LRRTM3: variants seen among roughly 807,000 people sequenced by gnomAD.
LRRTM3 encodes the protein leucine-rich repeat transmembrane neuronal protein 3.
Under a neutral mutation model 44.7 loss-of-function variants are expected in LRRTM3, and 24 were observed. That is an observed-to-expected ratio of 0.54 (90% CI 0.39 to 0.76). The LOEUF is 0.76. Among genes scored for constraint, LRRTM3 ranks in the 30% least tolerant of loss-of-function variants. The probability of loss-of-function intolerance (pLI) is 0.00; values close to 1 mark genes in which losing one functional copy is unlikely to be tolerated. For synonymous variants in LRRTM3, 277 were observed against 278.7 expected (o/e 0.99, Z 0.06); for missense variants, 587 against 702.2 (o/e 0.84, Z 1.85).
In LRRTM3 at chr10:66,927,336, G is replaced by A; in HGVS notation, c.420G>A (p.Leu140=). The A allele has an allele frequency of 6.2e-7, 1 of 1,614,138 alleles. No homozygotes were observed. The highest frequency in any genetic ancestry group is 8.5e-7 in the Non-Finnish European group (1 of 1,180,040). The part of the protein sequence containing the change: ...RPVTNLRNLD[L]SYNQLHSLGS... The stretch of plus-strand genomic sequence containing the variant: ...TGACAAATTTACGGAACTTGGATCT[G>A]TCCTATAATCAGCTGCATTCTCTGG... Residue 140 remains leucine (L), a synonymous_variant, in exon 2 of 3, where the codon CTG becomes CTA. Coordinates refer to ENST00000361320, the MANE Select transcript of LRRTM3 (RefSeq NM_178011.5). The surrounding 1 kb of genome is among the most constrained non-coding windows in gnomAD (Gnocchi z 4.7).
chr10:67,067,412 T>C (rs1285289946), intron 2 of LRRTM3, among the ~76,000 whole-genome samples: 3 of 152,182 alleles, frequency 2.0e-5, no homozygotes, highest in African/African-American at 7.2e-5. Context: ...TTCCCTTATC[T>C]AATGCTGCAA....
At chr10:67,079,461 C>T (rs568001327) in intron 2 of LRRTM3, among the ~76,000 whole-genome samples, 12 of 152,196 alleles carry the variant, frequency 7.9e-5, no homozygotes, top group South Asian at 2.1e-4. Context: ...CCAATAAATT[C>T]GCAAATATCT....
At chr10:67,048,407 T>C (rs1854880281) in intron 2 of LRRTM3, among the ~76,000 whole-genome samples, 1 of 152,100 alleles carries the variant, frequency 6.6e-6, no homozygotes, top group East Asian at 1.9e-4. Flanking sequence ...CAAGGAAACC[T>C]CTTACTGTTC....
chr10:66,982,155 T>C (rs1198810353), intron 2 of LRRTM3, among the ~76,000 whole-genome samples: 1 of 152,244 alleles, frequency 6.6e-6, no homozygotes, highest in Non-Finnish European at 1.5e-5. Context: ...ATTTGCATTC[T>C]GGCAGTTTGA....
intron 2 of LRRTM3, among the ~76,000 whole-genome samples, chr10:67,072,475 G>A (rs1028602639): frequency 1.3e-5 from 2 of 152,154 alleles, no homozygotes; most frequent in African/African-American, 2.4e-5. Flanking sequence ...AGTTAAAGAA[G>A]AACTACAGAA....
At chr10:67,072,944 T>C (rs1856548626) in intron 2 of LRRTM3, among the ~76,000 whole-genome samples, 1 of 151,728 alleles carries the variant, frequency 6.6e-6, no homozygotes. Context: ...GAGAAAGATG[T>C]GTGTTTTAGA....
intron 2 of LRRTM3, among the ~76,000 whole-genome samples, chr10:66,943,539 T>C (rs1235846228): frequency 6.6e-6 from 1 of 151,078 alleles, no homozygotes; most frequent in Non-Finnish European, 1.5e-5. Context: ...TTTTCAGTAT[T>C]AGCATTGGCT....
intron 2 of LRRTM3, among the ~76,000 whole-genome samples, chr10:66,991,784 G>A (rs151098765): frequency 1.3e-5 from 2 of 152,272 alleles, no homozygotes; most frequent in African/African-American, 4.8e-5. Flanking sequence ...TATATCACAT[G>A]TAGGATATTT....
Position 66,927,980 on chromosome 10 carries a change from TGAA to T in LRRTM3, c.1068_1070del (p.Lys356del), listed in dbSNP as rs1230499187. On this transcript the variant is annotated inframe_deletion, in exon 2 of 3. Coordinates refer to ENST00000361320, the MANE Select transcript of LRRTM3 (RefSeq NM_178011.5). This position sits in a 1 kb window ranked among gnomAD's most constrained non-coding sequence, Gnocchi z 4.7. ...CAAGGAGTAAATGTGATCGATGCAG[TGAA>T]GAACTACAGCATCTGTGGCAAAAGT... The T allele has an allele frequency of 1.2e-6, 2 of 1,614,098 alleles. No homozygotes were observed. The highest frequency in any genetic ancestry group is 1.7e-6 in the Non-Finnish European group (2 of 1,180,036).
Position 67,079,858 on chromosome 10 carries a change from A to AACACAC in LRRTM3, c.1537-17683_1537-17678dup, listed in dbSNP as rs199928311. ...GCGAGACTCCATCTCAAAAAAACAA[A>AACACAC]ACACACACACACACACACACACACA... is the stretch of plus-strand genomic sequence containing the variant. On this transcript the variant is annotated intron_variant, in intron 2 of 2. Coordinates refer to ENST00000361320, the MANE Select transcript of LRRTM3 (RefSeq NM_178011.5). 1.5e-3 allele frequency among the ~76,000 whole-genome samples: 213 copies of AACACAC among 141,354 alleles called. 1 individual carries two copies. Among genetic ancestry groups the AACACAC allele is most frequent in the Middle Eastern group, 3.5e-3 (1 of 284 alleles). The allele number at this position is 141,354 out of a possible 152,430, so 92.7% of individuals were successfully genotyped here.
chr10:66,932,928 G>C lies in LRRTM3; in HGVS notation c.1536+4476G>C, dbSNP rs574258086. On this transcript the variant is annotated intron_variant, in intron 2 of 2. Transcript: ENST00000361320. ...CTTAGAAATTAAGACCTAAATTCAA[G>C]TTCCTTTGACACTTGCTAATCAAGT... Among the ~76,000 whole-genome samples, 12 of 152,302 alleles carry C rather than the reference G, an allele frequency of 7.9e-5. No homozygotes were observed. In the South Asian group the frequency reaches 1.9e-3, roughly 24 times the overall value.
At chr10:67,061,772 A>G (rs1021661503) in intron 2 of LRRTM3, among the ~76,000 whole-genome samples, 1 of 152,204 alleles carries the variant, frequency 6.6e-6, no homozygotes, top group African/African-American at 2.4e-5. Context: ...TTCTAGCTTA[A>G]TCCTTAATAA....
intron 2 of LRRTM3, among the ~76,000 whole-genome samples, chr10:67,059,543 A>G (rs1855638216): frequency 6.6e-6 from 1 of 152,182 alleles, no homozygotes; most frequent in African/African-American, 2.4e-5. Flanking sequence ...ATGTCGTCAA[A>G]GTATATTTGG....
At position 67,097,839 on chromosome 10, in the gene LRRTM3, C is replaced by A. The variant is rs759135287; in HGVS notation, c.*43C>A. The A allele has an allele frequency of 8.3e-6, 13 of 1,562,686 alleles. No individual in the cohort carries two copies. The highest frequency in any genetic ancestry group is 1.1e-5 in the Non-Finnish European group (13 of 1,134,830). ...CAGGGGTTGCTACCAAACTTTGTAA[C>A]CTCAAGGACAAAATGAGGAAGATGT... On this transcript the variant is annotated 3_prime_UTR_variant, in exon 3 of 3. Coordinates refer to ENST00000361320, the MANE Select transcript of LRRTM3 (RefSeq NM_178011.5).
intron 2 of LRRTM3, among the ~76,000 whole-genome samples, chr10:67,009,872 G>A (rs1374664368): frequency 6.6e-6 from 1 of 152,028 alleles, no homozygotes; most frequent in Non-Finnish European, 1.5e-5. Flanking sequence ...CTATGTTATG[G>A]TTTGTACGTA....
Position 67,005,682 on chromosome 10 carries a change from C to CTTTTTTTTTTTTTTTTTTTT in LRRTM3, c.1536+77232_1536+77251dup. On this transcript the variant is annotated intron_variant, in intron 2 of 2. Transcript: ENST00000361320. ...AATGCTTTTGTTTATTTTACTCCATCTTTTTTTTTTTTTTTTTTTTTGAGA... is the reference window on the plus strand; with the variant it reads ...AATGCTTTTGTTTATTTTACTCCATCTTTTTTTTTTTTTTTTTTTTTTTTTTTTTTTTTTTTTTTTTGAGA... 6.4e-3 allele frequency among the ~76,000 whole-genome samples: 399 copies of CTTTTTTTTTTTTTTTTTTTT among 61,958 alleles called. 117 individuals carry two copies. The highest frequency in any genetic ancestry group is 0.017 in the Middle Eastern group (1 of 58). The allele number at this position is 61,958 out of a possible 152,430, so 40.6% of individuals were successfully genotyped here.
chr10:66,950,838 C>T (rs942784), intron 2 of LRRTM3, among the ~76,000 whole-genome samples: 146,935 of 152,206 alleles, frequency 0.97, 71,142 homozygotes, highest in East Asian at 1. Flanking sequence ...TTAGAGGCTT[C>T]GCACAGTGCA....
rs12255493 is a variant in LRRTM3 at position 66,976,586 on chromosome 10, A to C, written c.1536+48134A>C. Among the ~76,000 whole-genome samples the C allele has an allele frequency of 7.2e-3, 1,090 of 152,278 alleles. 13 individuals are homozygous for C. The highest frequency in any genetic ancestry group is 0.025 in the African/African-American group (1,041 of 41,556). On this transcript the variant is annotated intron_variant, in intron 2 of 2. Transcript: ENST00000361320. ...CTAAAAATCTACAGTGACTTCCCTA[A>C]AGAAAAATGGTCATATTCCCAAGTT...
At chr10:66,949,419 G>A (rs986671892) in intron 2 of LRRTM3, among the ~76,000 whole-genome samples, 1 of 152,074 alleles carries the variant, frequency 6.6e-6, no homozygotes, top group Non-Finnish European at 1.5e-5. Flanking sequence ...TTAGCCTGGC[G>A]TGTTGGCATA....
Sources: gnomAD v4.1 joint callset for allele counts (sites outside exome capture counted in the v4.1 genomes callset) on GRCh38, gnomAD v4.1.1 for gene constraint, Gnocchi (gnomAD v3.1) non-coding constraint, MANE v1.5 for transcripts, NCBI Gene and HGNC (gene_info 2026-07-23, HGNC 2026-07-21) for gene names.